The following BZW2 variants were observed in gnomAD, a reference collection of about 807,000 sequenced individuals.
BZW2 encodes the protein eIF5-mimic protein 1.
BZW2 carries 23 observed loss-of-function variants against 53.2 expected under a neutral mutation model. That is an observed-to-expected ratio of 0.43 (90% CI 0.31 to 0.61). The LOEUF is 0.61. BZW2 is among the 20% of genes least tolerant of loss of function. BZW2 has a pLI of 0.09. For synonymous variants in BZW2, 227 were observed against 186.4 expected (o/e 1.22, Z -1.77); for missense variants, 409 against 503.1 (o/e 0.81, Z 1.79).
intron 1 of BZW2, among the ~76,000 whole-genome samples, chr7:16,657,910 G>A (rs1782160538): frequency 2.0e-5 from 3 of 152,164 alleles, no homozygotes; most frequent in Admixed American, 2.0e-4. Flanking sequence ...AACGTATCGA[G>A]AGCAGAAGTT....
chr7:16,703,011 C>T (rs1428317951), intron 10 of BZW2, among the ~76,000 whole-genome samples: 1 of 152,170 alleles, frequency 6.6e-6, no homozygotes, highest in African/African-American at 2.4e-5. Flanking sequence ...TTTAAAATCC[C>T]TGTTAATGTT....
intron 6 of BZW2, chr7:16,687,085 T>C (rs1471022077): frequency 1.3e-5 from 2 of 152,206 alleles, no homozygotes; most frequent in African/African-American, 2.4e-5. Context: ...CAGAAAATAA[T>C]TGCCTTTCTA....
chr7:16,671,000 C>G (rs1161977606), intron 2 of BZW2, among the ~76,000 whole-genome samples: 1 of 152,210 alleles, frequency 6.6e-6, no homozygotes, highest in Non-Finnish European at 1.5e-5. Flanking sequence ...CCCAGCCCTT[C>G]TGTTAGACCA....
Position 16,685,893 on chromosome 7 carries a change from T to TTTTTTTTTTTTTTG in BZW2, c.406-10_406-9insTTTTTTTTTTTGTT. 1 of 1,465,366 alleles carries TTTTTTTTTTTTTTG rather than the reference T, an allele frequency of 6.8e-7. No individual in the cohort carries two copies. 90.8% of individuals were successfully genotyped at this position (1,465,366 alleles called of 1,614,324 possible). The stretch of plus-strand genomic sequence containing the variant: ...TTCTTTTTCTTTTTTTTTTTTTTTT[T>TTTTTTTTTTTTTTG]TTGACCCACAGCTTCTCCTCTTCCT... On this transcript the variant is annotated splice_polypyrimidine_tract_variant and intron_variant, in intron 5 of 11. Coordinates refer to ENST00000258761, the MANE Select transcript of BZW2 (RefSeq NM_014038.3).
chr7:16,689,709 C>T (rs1463619695), intron 6 of BZW2, 88 bp from the exon 7 acceptor site: 22 of 1,057,966 alleles, frequency 2.1e-5, no homozygotes, highest in Non-Finnish European at 5.3e-6. Flanking sequence ...TAGTTATTTA[C>T]ACATTTCAGG....
intron 3 of BZW2, among the ~76,000 whole-genome samples, chr7:16,679,675 T>A (rs720586): frequency 0.19 from 28,908 of 152,130 alleles, 2,939 homozygotes; most frequent in East Asian, 0.38. Flanking sequence ...ACACTAATAC[T>A]CAAACAAATA....
chr7:16,699,376 A>T (rs1783600234), intron 10 of BZW2, among the ~76,000 whole-genome samples: 2 of 152,128 alleles, frequency 1.3e-5, no homozygotes, highest in Admixed American at 1.3e-4. Flanking sequence ...CATGTTACCA[A>T]TTCATAGATG....
intron 1 of BZW2, among the ~76,000 whole-genome samples, chr7:16,647,337 T>C (rs1431381147): frequency 6.6e-6 from 1 of 152,240 alleles, no homozygotes; most frequent in East Asian, 1.9e-4. Context: ...GTGGTTTTTG[T>C]TAAGCATCCC....
chr7:16,705,062 AAG>A (rs1183597860), intron 11 of BZW2, among the ~76,000 whole-genome samples: 1 of 152,346 alleles, frequency 6.6e-6, no homozygotes, highest in East Asian at 1.9e-4. Flanking sequence ...AATAATGAGT[AAG>A]AGTGAATTCA....
chr7:16,659,095 A>G (rs1782188739), intron 1 of BZW2, among the ~76,000 whole-genome samples: 1 of 151,960 alleles, frequency 6.6e-6, no homozygotes, highest in Non-Finnish European at 1.5e-5. Context: ...AACTCTTAAA[A>G]ACTAAAAAAA....
chr7:16,682,147 G>T (rs1414400350), intron 4 of BZW2, among the ~76,000 whole-genome samples: 1 of 152,184 alleles, frequency 6.6e-6, no homozygotes, highest in Non-Finnish European at 1.5e-5. Flanking sequence ...TATAGCCTGT[G>T]TGTAGGAGAA....
rs1453712708 is a variant in BZW2 at position 16,705,643 on chromosome 7, G to C, written c.1232-417G>C. Among the ~76,000 whole-genome samples the C allele has an allele frequency of 7.2e-5, 10 of 139,330 alleles. No individual in the cohort carries two copies. The South Asian group carries it at 2.0e-3, about 28-fold the overall frequency. 91.4% of individuals were successfully genotyped at this position (139,330 alleles called of 152,430 possible). ...GAGGTTGCAGTGAGCCAAGATCACA[G>C]CACTGCACTCCAGGCTGGGCAACAG... On this transcript the variant is annotated intron_variant, in intron 11 of 11. Coordinates refer to ENST00000258761, the MANE Select transcript of BZW2 (RefSeq NM_014038.3).
intron 1 of BZW2, among the ~76,000 whole-genome samples, chr7:16,657,570 T>A (rs1005671648): frequency 3.9e-5 from 6 of 152,216 alleles, no homozygotes; most frequent in Admixed American, 3.3e-4. Flanking sequence ...TTGCATAAGA[T>A]GTAAAATTAC....
At chr7:16,688,695 T>G (rs927087268) in intron 6 of BZW2, 4 of 152,234 alleles carry the variant, frequency 2.6e-5, no homozygotes, top group Non-Finnish European at 5.9e-5. Context: ...AGTTACATCT[T>G]AACTCTTCAT....
chr7:16,693,466 A>G (rs1783382430), intron 7 of BZW2, among the ~76,000 whole-genome samples: 1 of 152,204 alleles, frequency 6.6e-6, no homozygotes, highest in Non-Finnish European at 1.5e-5. Flanking sequence ...CCTAAATAGA[A>G]TATTGAATGC....
At chr7:16,673,006 C>T (rs1387068094) in intron 2 of BZW2, among the ~76,000 whole-genome samples, 3 of 151,710 alleles carry the variant, frequency 2.0e-5, no homozygotes, top group Non-Finnish European at 4.4e-5. Context: ...AGTGCAATGG[C>T]GCGATCTTGG....
At chr7:16,659,843 TA>T (rs1356996063) in intron 1 of BZW2, among the ~76,000 whole-genome samples, 3 of 150,222 alleles carry the variant, frequency 2.0e-5, no homozygotes, top group East Asian at 2.1e-4. Context: ...TTTTTGTTTT[TA>T]TTTTTTTATT....
chr7:16,689,709 C>G (rs1463619695), intron 6 of BZW2, 88 bp from the exon 7 acceptor site: 1 of 1,058,086 alleles, frequency 9.5e-7, no homozygotes, highest in Non-Finnish European at 1.3e-6. Context: ...TAGTTATTTA[C>G]ACATTTCAGG....
intron 2 of BZW2, among the ~76,000 whole-genome samples, chr7:16,668,187 C>T (rs1181025734): frequency 6.6e-5 from 10 of 152,112 alleles, no homozygotes; most frequent in Non-Finnish European, 1.0e-4. Flanking sequence ...ATTAGTGTGA[C>T]GCTAATTCAC....
Sources: allele counts gnomAD v4.1 joint callset (sites outside exome capture counted in the v4.1 genomes callset), GRCh38; gene constraint gnomAD v4.1.1; transcripts MANE v1.5; gene names NCBI Gene and HGNC (gene_info 2026-07-23, HGNC 2026-07-21).